Variants in VPS13A observed in about 807,000 individuals in gnomAD.
VPS13A encodes intermembrane lipid transfer protein VPS13A.
VPS13A carries 264 observed loss-of-function variants against 390.9 expected under a neutral mutation model. The observed-to-expected ratio is 0.68, with a 90% CI of 0.61 to 0.75. VPS13A has a LOEUF of 0.75. VPS13A is among the 30% of genes least tolerant of loss of function. The pLI, the probability that VPS13A is intolerant of heterozygous loss-of-function variation, is 0.00. For missense variants in VPS13A, 3,409 were observed against 3,733.9 expected (o/e 0.91, Z 2.27); for synonymous variants, 1,231 against 1,227.1 (o/e 1.00, Z -0.07).
chr9:77,241,625 G>A (rs1162065287), intron 19 of VPS13A, among the ~76,000 whole-genome samples: 1 of 151,938 alleles, frequency 6.6e-6, no homozygotes, highest in East Asian at 1.9e-4. Flanking sequence ...ATTTTTAATT[G>A]TAATCTGCTC....
At chr9:77,300,850 C>A (rs1828303401) in intron 33 of VPS13A, among the ~76,000 whole-genome samples, 1 of 152,204 alleles carries the variant, frequency 6.6e-6, no homozygotes, top group African/African-American at 2.4e-5. Flanking sequence ...AACTTGACTG[C>A]AATTTAGCAA....
Position 77,295,600 on chromosome 9 carries a change from C to T in VPS13A, c.3566C>T (p.Ala1189Val). 1 of 1,613,600 alleles carries T rather than the reference C, an allele frequency of 6.2e-7. No homozygotes were observed. The highest frequency in any genetic ancestry group is 8.5e-7 in the Non-Finnish European group (1 of 1,179,636). Residue 1189 changes from alanine to valine, a missense_variant, in exon 33 of 72, where the codon GCA becomes GTA. By Grantham distance (64) the Ala-to-Val change is moderately conservative (BLOSUM62 0). Around this residue, in one of 5 missense-constraint regions of VPS13A, gnomAD observed 2,717 missense variants for 2,917.4 expected, o/e 0.93. Transcript: ENST00000360280. ...KQALAEATVQ[A>V]AGMAATGVKE... ...GCCTTGGCTGAGGCAACTGTTCAGG[C>T]AGCTGGAATGGCTGCTACTGGTGTA...
rs752782186 is a variant in VPS13A at position 77,316,385 on chromosome 9, G to C, written c.4842G>C (p.Lys1614Asn). The C allele has an allele frequency of 6.2e-7, 1 of 1,612,822 alleles. No individual in the cohort carries two copies. The highest frequency in any genetic ancestry group is 1.7e-5 in the Admixed American group (1 of 59,978). ...QVRACPFLPV[K>N]RKGKITTVLQ... is the part of the protein sequence containing the mutation. ...GAGCCTGCCCGTTTCTTCCAGTCAA[G>C]AGAAAAGGCAAAATCACTACTGTGA... The change falls in exon 39 of 72, where the codon AAG becomes AAC. Residue 1614 changes from lysine (K) to asparagine (N), a missense_variant. Physicochemically the swap from Lys to Asn is moderately conservative, Grantham distance 94 (BLOSUM62 0). Around this residue, in one of 5 missense-constraint regions of VPS13A, gnomAD observed 2,717 missense variants for 2,917.4 expected, o/e 0.93. Transcript: ENST00000360280.
intron 47 of VPS13A, 43 bp downstream of exon 47, chr9:77,337,580 T>C (rs745776067): frequency 2.5e-6 from 4 of 1,581,498 alleles, no homozygotes; most frequent in African/African-American, 2.7e-5. Flanking sequence ...TTTGATTTTG[T>C]AGTTTCAGTT....
chr9:77,396,131 T>A (rs1834110753), intron 68 of VPS13A, among the ~76,000 whole-genome samples: 1 of 152,222 alleles, frequency 6.6e-6, no homozygotes, highest in Non-Finnish European at 1.5e-5. Flanking sequence ...TCTCCTAGAA[T>A]ATATTAAGTA....
At chr9:77,243,764 A>G (rs935567498) in intron 19 of VPS13A, among the ~76,000 whole-genome samples, 2 of 152,164 alleles carry the variant, frequency 1.3e-5, no homozygotes, top group Admixed American at 6.5e-5. Flanking sequence ...TAGATGTTAT[A>G]CTCTTATGGA....
chr9:77,295,789 C>G lies in VPS13A; in HGVS notation c.3755C>G (p.Ser1252Cys). The G allele has an allele frequency of 6.2e-7, 1 of 1,614,016 alleles. No homozygotes were observed. Among genetic ancestry groups the G allele is most frequent in the Non-Finnish European group, 8.5e-7 (1 of 1,179,944 alleles). The change falls in exon 33 of 72, where the codon TCT (serine) becomes TGT (cysteine). Residue 1252 changes from serine to cysteine, a missense_variant. Physicochemically the swap from Ser to Cys is moderately radical, Grantham distance 112 (BLOSUM62 -1). Transcript: ENST00000360280. The stretch of plus-strand genomic sequence containing the variant: ...CATATGATAACAGAGAGCCAGAGCT[C>G]TCCCCCACCTGTTATTGATTTGATA... ...TFHMITESQSSPPPVIDLITI... is the reference protein window; with the variant it reads ...TFHMITESQSCPPPVIDLITI...
chr9:77,403,809 C>T lies in VPS13A; in HGVS notation c.9275+488C>T, dbSNP rs569291592. ...GTAAAAATACACAGGGGCATAGCCT[C>T]AGAGGGGCAAGTGTGCAGAAGTCAT... On this transcript the variant is annotated intron_variant, in intron 69 of 71. Transcript: ENST00000360280. 3.3e-4 allele frequency among the ~76,000 whole-genome samples: 50 copies of T among 152,158 alleles called. No homozygotes were observed. In the South Asian group the frequency reaches 0.01, roughly 31 times the overall value.
At chr9:77,295,508 A>C in intron 32 of VPS13A, 34 bp from the exon 33 acceptor site, 1 of 1,514,748 alleles carries the variant, frequency 6.6e-7, no homozygotes. Flanking sequence ...GTATTTATTA[A>C]TAACCTTAAG....
chr9:77,409,620 G>T (rs2131663641), intron 71 of VPS13A, among the ~76,000 whole-genome samples: 1 of 151,872 alleles, frequency 6.6e-6, no homozygotes, highest in African/African-American at 2.4e-5. Context: ...TGATGGAGCT[G>T]AAAACCAAGG....
intron 28 of VPS13A, 76 bp downstream of exon 28, chr9:77,282,002 C>T: frequency 7.4e-7 from 1 of 1,360,412 alleles, no homozygotes; most frequent in South Asian, 1.3e-5. Flanking sequence ...ATTGTAAGAT[C>T]CTTAAAGATA....
rs112833567 is a variant in VPS13A, at chr9:77,296,278, C to T, written c.3812+432C>T. Reference sequence around the variant, plus strand: ...ACATGCAGTAGCATACAACCTTATTCGTTAACCTGTATTCGTTAAGCATAG... The same window carrying T: ...ACATGCAGTAGCATACAACCTTATTTGTTAACCTGTATTCGTTAAGCATAG... On this transcript the variant is annotated intron_variant, in intron 33 of 71. Coordinates refer to ENST00000360280, the MANE Select transcript of VPS13A (RefSeq NM_033305.3). 1.1e-3 allele frequency among the ~76,000 whole-genome samples: 169 copies of T among 152,268 alleles called. 1 individual carries two copies. The highest frequency in any genetic ancestry group is 3.8e-3 in the African/African-American group (156 of 41,562).
chr9:77,276,086 C>G lies in VPS13A; in HGVS notation c.2689C>G (p.Leu897Val). ...CCAGGTTTTGATCGAGTTTTATCACCTTGTTGGAGATTGTGAACTATCTGT... is the reference window on the plus strand; with the variant it reads ...CCAGGTTTTGATCGAGTTTTATCACGTTGTTGGAGATTGTGAACTATCTGT... The part of the protein sequence containing the change: ...VPKVLIEFYH[L>V]VGDCELSVVE... The change falls in exon 26 of 72, where the codon CTT (leucine) becomes GTT (valine). Residue 897 changes from leucine to valine, a missense_variant. Transcript: ENST00000360280. 6.2e-7 allele frequency: 1 copy of G among 1,612,346 alleles called. No individual in the cohort carries two copies. The highest frequency in any genetic ancestry group is 1.3e-5 in the African/African-American group (1 of 74,826).
chr9:77,210,250 C>T (rs1465943623), intron 6 of VPS13A, among the ~76,000 whole-genome samples: 1 of 144,708 alleles, frequency 6.9e-6, no homozygotes, highest in African/African-American at 2.6e-5. Flanking sequence ...CTCCCCTTCC[C>T]AAGACAAGGC....
rs145807676 is a variant in VPS13A at position 77,184,288 on chromosome 9, A to G, written c.100+6484A>G. 3.9e-3 allele frequency among the ~76,000 whole-genome samples: 588 copies of G among 152,202 alleles called. 2 individuals carry two copies. The highest frequency in any genetic ancestry group is 5.6e-3 in the Non-Finnish European group (384 of 67,996). On this transcript the variant is annotated intron_variant, in intron 1 of 71. Coordinates refer to ENST00000360280, the MANE Select transcript of VPS13A (RefSeq NM_033305.3). ...TTTTTTCTTTCTGTCATACATACAC[A>G]TCTATTCTGCTTTGCTGAGAGTGTT...
chr9:77,184,191 C>T (rs979624132), intron 1 of VPS13A, among the ~76,000 whole-genome samples: 1 of 152,180 alleles, frequency 6.6e-6, no homozygotes, highest in Non-Finnish European at 1.5e-5. Flanking sequence ...GACCATCACC[C>T]CAGAAAGTCT....
At chr9:77,209,901 T>C (rs1825872856) in intron 6 of VPS13A, among the ~76,000 whole-genome samples, 1 of 152,238 alleles carries the variant, frequency 6.6e-6, no homozygotes. Context: ...AATAGGTCAT[T>C]TGTTTTCTCT....
chr9:77,209,378 T>G, intron 5 of VPS13A, 45 bp from the exon 6 acceptor site: 1 of 1,321,808 alleles, frequency 7.6e-7, no homozygotes, highest in Non-Finnish European at 1.1e-6. Flanking sequence ...ATTTATAGAG[T>G]ATATTTTTCA....
At chr9:77,378,273 C>T (rs557217016) in intron 67 of VPS13A, among the ~76,000 whole-genome samples, 10 of 151,910 alleles carry the variant, frequency 6.6e-5, no homozygotes, top group Admixed American at 1.3e-4. Context: ...TCAGTGAAAC[C>T]GTCTGATTCT....
Sources: allele counts gnomAD v4.1 joint callset (sites outside exome capture counted in the v4.1 genomes callset), GRCh38; gene constraint gnomAD v4.1.1; regional missense constraint gnomAD v4.1.1; transcripts MANE v1.5; gene names NCBI Gene and HGNC (gene_info 2026-07-23, HGNC 2026-07-21).